The following TNRC18 variants were observed in gnomAD, a reference collection of about 807,000 sequenced individuals.
The protein encoded by TNRC18 is trinucleotide repeat containing 18.
Under a neutral mutation model 226.7 loss-of-function variants are expected in TNRC18, and 69 were observed. The observed-to-expected ratio is 0.30, with a 90% confidence interval of 0.25 to 0.37. TNRC18 has a LOEUF of 0.37. TNRC18 is among the 10% of genes least tolerant of loss of function. TNRC18 has a pLI of 1.00. For synonymous variants in TNRC18, 2,449 were observed against 1,927.6 expected, an observed-to-expected ratio of 1.27 and a Z score of -7.09; for missense variants, 4,754 against 4,256.6, an observed-to-expected ratio of 1.12 and a Z score of -3.25.
chr7:5,398,883 C>T (rs950484230), intron 2 of TNRC18, among the ~76,000 whole-genome samples: 1 of 152,112 alleles, frequency 6.6e-6, no homozygotes, highest in East Asian at 1.9e-4. Flanking sequence ...CTTGGCCTCC[C>T]AAAGTGCTGG....
intron 5 of TNRC18, among the ~76,000 whole-genome samples, chr7:5,384,852 G>A (rs1314786984): frequency 2.0e-5 from 3 of 152,198 alleles, no homozygotes; most frequent in Non-Finnish European, 4.4e-5. Flanking sequence ...CTGGCTCCAG[G>A]AGCTCCACAC....
chr7:5,310,305 C>G (rs1787045021), intron 27 of TNRC18, among the ~76,000 whole-genome samples: 1 of 152,214 alleles, frequency 6.6e-6, no homozygotes. Context: ...TCTTGGCTCA[C>G]TGTAGCCTCT....
At position 5,388,266 on chromosome 7, in the gene TNRC18, C is replaced by A; in HGVS notation, c.1558G>T (p.Ala520Ser). 6.3e-7 allele frequency: 1 copy of A among 1,590,284 alleles called. No individual in the cohort carries two copies. Residue 520 changes from alanine (A) to serine (S), a missense_variant, in exon 5 of 30, where the codon GCC (alanine) becomes TCC (serine). Transcript: ENST00000430969. ...WKPFELGNFAATQMAVLAAQH... is the reference protein window; with the variant it reads ...WKPFELGNFASTQMAVLAAQH... Reference sequence around the variant, plus strand: ...GCGGCCAGCACGGCCATCTGCGTGGCGGCGAAGTTGCCCAGCTCGAAGGGT... The same window carrying A: ...GCGGCCAGCACGGCCATCTGCGTGGAGGCGAAGTTGCCCAGCTCGAAGGGT...
At chr7:5,333,070 T>G (rs747094456) in intron 18 of TNRC18, 21 bp from the exon 19 acceptor site, 12 of 1,558,182 alleles carry the variant, frequency 7.7e-6, no homozygotes, top group Admixed American at 1.8e-5. Context: ...GAGGAGGGCG[T>G]GCTGGTCACA....
At chr7:5,331,252 C>T (rs1789491355) in intron 19 of TNRC18, among the ~76,000 whole-genome samples, 1 of 152,104 alleles carries the variant, frequency 6.6e-6, no homozygotes, top group African/African-American at 2.4e-5. Context: ...CCGTCAAAAC[C>T]TAGCTGTTAA....
At chr7:5,352,166 AAT>A (rs1170395004) in intron 16 of TNRC18, 72 bp from the exon 17 acceptor site, 3 of 1,456,642 alleles carry the variant, frequency 2.1e-6, no homozygotes. Flanking sequence ...TATTGGTTTT[AAT>A]GGTTCTGAGA....
At chr7:5,316,956 G>A (rs1469969160) in intron 24 of TNRC18, among the ~76,000 whole-genome samples, 1 of 152,066 alleles carries the variant, frequency 6.6e-6, no homozygotes, top group Non-Finnish European at 1.5e-5. Flanking sequence ...GGAGCTGGGA[G>A]CTTCACCCTA....
intron 2 of TNRC18, among the ~76,000 whole-genome samples, chr7:5,400,866 C>G (rs1781038458): frequency 6.6e-6 from 1 of 152,022 alleles, no homozygotes; most frequent in South Asian, 2.1e-4. Flanking sequence ...GATAGAGACT[C>G]TTATCTCTAC....
chr7:5,378,955 G>C (rs943440597), intron 5 of TNRC18, among the ~76,000 whole-genome samples: 4 of 150,644 alleles, frequency 2.7e-5, no homozygotes, highest in African/African-American at 7.3e-5. Flanking sequence ...GAGGCCGGGT[G>C]GGGGGGGCGG....
Position 5,377,016 on chromosome 7 carries a change from G to T in TNRC18, c.2462-23C>A. On this transcript the variant is annotated intron_variant, in intron 7 of 29. Coordinates refer to ENST00000430969, the MANE Select transcript of TNRC18 (RefSeq NM_001080495.3). The surrounding 1 kb of genome is among the most constrained non-coding windows in gnomAD (Gnocchi z 5.8). ...AGCCTAGGAGGAGAAGCCCAGGCCT[G>T]AGTCAGTGCTGGGAGCCCCCAAGCG... is the stretch of plus-strand genomic sequence containing the variant. The T allele has an allele frequency of 6.4e-7, 1 of 1,561,350 alleles. No homozygotes were observed. Among genetic ancestry groups the T allele is most frequent in the South Asian group, 1.2e-5 (1 of 84,786 alleles).
In TNRC18 at chr7:5,351,962, T is replaced by C; in HGVS notation, c.5327A>G (p.Lys1776Arg). 9 of 1,613,946 alleles carry C rather than the reference T, an allele frequency of 5.6e-6. No individual in the cohort carries two copies. The highest frequency in any genetic ancestry group is 7.6e-6 in the Non-Finnish European group (9 of 1,179,876). Residue 1776 changes from lysine (K) to arginine (R), a missense_variant, in exon 17 of 30, where the codon AAG (lysine) becomes AGG (arginine). Physicochemically the swap from Lys to Arg is conservative, Grantham distance 26. Transcript: ENST00000430969. ...GGCCGCCAGGCCCCTCTTGGTCAGC[T>C]TGGGGCCACCAGCTGCCTTGCTGTT... ...AKNSKAAGGP[K>R]LTKRGLAAPR...
chr7:5,327,374 T>TGTGTGC (rs1554273809), intron 19 of TNRC18, among the ~76,000 whole-genome samples: 2 of 22,262 alleles, frequency 9.0e-5, no homozygotes, highest in African/African-American at 1.6e-4. Context: ...TGTTTGTGCG[T>TGTGTGC]GTGTGTGTGT....
intron 11 of TNRC18, among the ~76,000 whole-genome samples, chr7:5,367,226 G>A (rs1401712794): frequency 6.6e-6 from 1 of 151,952 alleles, no homozygotes; most frequent in African/African-American, 2.4e-5. Flanking sequence ...TTAGCTGGAT[G>A]TGGTAGCATG....
intron 26 of TNRC18, 37 bp downstream of exon 26, chr7:5,314,947 C>G: frequency 6.4e-7 from 1 of 1,567,786 alleles, no homozygotes; most frequent in South Asian, 1.2e-5. Context: ...GAAGGAGATC[C>G]GCCCACCGCC....
chr7:5,389,439 C>T (rs1562602026), intron 4 of TNRC18, 103 bp from the exon 5 acceptor site: 3 of 1,008,138 alleles, frequency 3.0e-6, no homozygotes, highest in Non-Finnish European at 3.6e-6. Context: ...CAACCCATGC[C>T]TCCCCCAGTG....
chr7:5,337,439 G>A (rs1239787821), intron 18 of TNRC18, among the ~76,000 whole-genome samples: 4 of 150,808 alleles, frequency 2.7e-5, no homozygotes, highest in East Asian at 2.0e-4. Context: ...AGTCAAGATC[G>A]CGCCATTGCA....
intron 18 of TNRC18, 45 bp downstream of exon 18, chr7:5,345,517 G>GGGGGGTGGGGGACAAA: frequency 2.6e-6 from 1 of 377,744 alleles, no homozygotes; most frequent in East Asian, 4.6e-5. Context: ...AATGGCGTCC[G>GGGGGGTGGGGGACAAA]CCCCTCCCAC....
At chr7:5,343,918 C>T (rs545266269) in intron 18 of TNRC18, among the ~76,000 whole-genome samples, 1 of 152,296 alleles carries the variant, frequency 6.6e-6, no homozygotes, top group South Asian at 2.1e-4. Flanking sequence ...CCAAGACATG[C>T]TTGTGTACCC....
intron 18 of TNRC18, among the ~76,000 whole-genome samples, chr7:5,335,145 A>C (rs1789960581): frequency 6.6e-6 from 1 of 151,370 alleles, no homozygotes; most frequent in South Asian, 2.1e-4. Flanking sequence ...TCTGCTAAAA[A>C]TACAAAAATT....
Sources: gnomAD v4.1 joint callset for allele counts (sites outside exome capture counted in the v4.1 genomes callset) on GRCh38, gnomAD v4.1.1 for gene constraint, Gnocchi (gnomAD v3.1) non-coding constraint, MANE v1.5 for transcripts, NCBI Gene and HGNC (gene_info 2026-07-23, HGNC 2026-07-21) for gene names.